Variants in FGF13 observed in about 807,000 individuals in gnomAD.
FGF13 encodes the protein fibroblast growth factor homologous factor 2.
Under a neutral mutation model 19.5 loss-of-function variants are expected in FGF13, and 2 were observed. That is an observed-to-expected ratio of 0.10 (90% CI 0.04 to 0.32). The LOEUF (loss-of-function observed/expected upper bound fraction) is 0.32. Among genes scored for constraint, FGF13 ranks in the 10% least tolerant of loss-of-function variants. The pLI, the probability that FGF13 is intolerant of heterozygous loss-of-function variation, is 1.00. For synonymous variants in FGF13, 72 were observed against 76.9 expected, an observed-to-expected ratio of 0.94 and a Z score of 0.33; for missense variants, 113 against 192.7, an observed-to-expected ratio of 0.59 and a Z score of 2.45.
At chrX:138,912,908 C>A (rs1253304608) in intron 1 of FGF13, among the ~76,000 whole-genome samples, 1 of 111,373 alleles carries the variant, frequency 9.0e-6, no homozygotes, top group Non-Finnish European at 1.9e-5. Context: ...TGGAAGAGAG[C>A]ATCCTGACCC....
At chrX:138,857,634 C>G in exon 3 of FGF13, 4 of 1,208,143 alleles carry the variant, frequency 3.3e-6, no homozygotes, top group Non-Finnish European at 4.5e-6. Context: ...GGAATCTTGT[C>G]GTAACATAAT....
At chrX:139,024,371 G>A (rs72616259) in intron 1 of FGF13, among the ~76,000 whole-genome samples, 1,545 of 110,920 alleles carry the variant, frequency 0.014, 15 homozygotes, top group East Asian at 0.067. Context: ...CCCATGACTC[G>A]CTTTTATACA....
chrX:138,994,377 C>T (rs193176745), intron 1 of FGF13, among the ~76,000 whole-genome samples: 20 of 110,798 alleles, frequency 1.8e-4, no homozygotes, highest in East Asian at 1.4e-3. Context: ...GCCTTACCTC[C>T]GAATATCATC....
rs1431972241 is a variant in FGF13, at chrX:138,784,170, T to A, written c.217+73342A>T. ...TCACACTCTGGGGACTGTTGTGGGG[T>A]GGGGGGAGGGGGGAGGGATAGCACT... On this transcript the variant is annotated intron_variant, in intron 3 of 6. Coordinates refer to the FGF13 transcript ENST00000436198. 3.0e-4 allele frequency among the ~76,000 whole-genome samples: 14 copies of A among 46,131 alleles called. 1 individual carries two copies. Among genetic ancestry groups the A allele is most frequent in the Admixed American group, 1.1e-3 (3 of 2,798 alleles). 40.1% of individuals were successfully genotyped at this position (46,131 alleles called of 115,157 possible).
intron 1 of FGF13, among the ~76,000 whole-genome samples, chrX:139,187,156 C>A (rs759378917): frequency 2.7e-5 from 3 of 112,573 alleles, no homozygotes; most frequent in South Asian, 3.6e-4. Flanking sequence ...ATGGAACTAT[C>A]CTGAAATTTC....
chrX:138,847,661 T>C lies in FGF13; in HGVS notation c.217+9851A>G, dbSNP rs1173948439. Among the ~76,000 whole-genome samples the C allele has an allele frequency of 2.7e-5, 3 of 111,905 alleles. No individual in the cohort carries two copies. The Admixed American group carries it at 2.9e-4, about 11-fold the overall frequency. ...TGCTATTCTTAAGCACACTAAAAAA[T>C]GCCGTAGAGTATAAGAAATGAATAT... On this transcript the variant is annotated intron_variant, in intron 3 of 6. Coordinates refer to the FGF13 transcript ENST00000436198.
chrX:138,988,538 G>A lies in FGF13; in HGVS notation c.-112-123888C>T, dbSNP rs12008125. Among the ~76,000 whole-genome samples the A allele has an allele frequency of 3.1e-3, 348 of 112,108 alleles. 1 individual carries two copies. The highest frequency in any genetic ancestry group is 0.011 in the African/African-American group (329 of 30,945). On this transcript the variant is annotated intron_variant, in intron 1 of 2. Coordinates refer to the FGF13 transcript ENST00000421460. Reference sequence around the variant, plus strand: ...GTTACTATTTTTCTAAAAGGCTCCAGGTTCTGAATGTAAATATTCTCATTC... The same window carrying A: ...GTTACTATTTTTCTAAAAGGCTCCAAGTTCTGAATGTAAATATTCTCATTC...
intron 1 of FGF13, among the ~76,000 whole-genome samples, chrX:139,162,455 C>T (rs1268081156): frequency 1.8e-5 from 2 of 112,176 alleles, no homozygotes; most frequent in Non-Finnish European, 3.8e-5. Flanking sequence ...AAAACCTAGG[C>T]AATACCGTTC....
intron 3 of FGF13, among the ~76,000 whole-genome samples, chrX:138,750,559 A>G (rs1010944025): frequency 9.0e-6 from 1 of 111,353 alleles, no homozygotes. Context: ...TGAGGAAACT[A>G]AATGTGCACA....
intron 3 of FGF13, among the ~76,000 whole-genome samples, chrX:138,658,606 T>C (rs888991605): frequency 9.0e-6 from 1 of 111,324 alleles, no homozygotes; most frequent in Non-Finnish European, 1.9e-5. Flanking sequence ...AACATTCGAG[T>C]GTCGGGAGTA....
At chrX:139,177,238 C>CTTTTTTTTTTTTTTTT (rs35867493) in intron 1 of FGF13, among the ~76,000 whole-genome samples, 8 of 49,943 alleles carry the variant, frequency 1.6e-4, no homozygotes, top group African/African-American at 7.8e-4. Flanking sequence ...GCAACCCCTG[C>CTTTTTTTTTTTTTTTT]TTTTTTTTTT....
chrX:138,722,608 T>G (rs192613225), intron 1 of FGF13, among the ~76,000 whole-genome samples: 6 of 111,459 alleles, frequency 5.4e-5, no homozygotes, highest in African/African-American at 2.0e-4. Context: ...TGATGAGAGT[T>G]TAAATAATAA....
intron 1 of FGF13, among the ~76,000 whole-genome samples, chrX:139,101,827 G>A (rs755277135): frequency 8.9e-6 from 1 of 111,766 alleles, no homozygotes; most frequent in East Asian, 2.8e-4. Flanking sequence ...CTGTCCCAAT[G>A]GTGGTTAAGA....
chrX:139,152,932 C>A (rs1255363038), intron 1 of FGF13, among the ~76,000 whole-genome samples: 1 of 110,713 alleles, frequency 9.0e-6, no homozygotes, highest in Non-Finnish European at 1.9e-5. Flanking sequence ...TACCTCCCTT[C>A]CCCCAAGGTC....
intron 3 of FGF13, among the ~76,000 whole-genome samples, chrX:138,787,986 C>T (rs1414192586): frequency 2.7e-5 from 3 of 111,718 alleles, no homozygotes; most frequent in Non-Finnish European, 5.6e-5. Flanking sequence ...AATTCTTGTC[C>T]TTTCTAATAG....
At chrX:138,850,275 T>A (rs2091213331) in intron 3 of FGF13, among the ~76,000 whole-genome samples, 1 of 111,817 alleles carries the variant, frequency 8.9e-6, no homozygotes, top group Non-Finnish European at 1.9e-5. Flanking sequence ...TACTCCTTGA[T>A]TAGACTGTAA....
Position 138,978,695 on chromosome X carries a change from C to A in FGF13, c.-112-114045G>T, listed in dbSNP as rs182162125. 3.1e-4 allele frequency among the ~76,000 whole-genome samples: 35 copies of A among 112,029 alleles called. 1 individual carries two copies. Among genetic ancestry groups the A allele is most frequent in the African/African-American group, 1.1e-3 (35 of 30,850 alleles). On this transcript the variant is annotated intron_variant, in intron 1 of 2. Coordinates refer to the FGF13 transcript ENST00000421460. ...ATTAGATTTATATAATATATTCAATCATCACAACTCATTTTACAGAGGGGG... is the reference window on the plus strand; with the variant it reads ...ATTAGATTTATATAATATATTCAATAATCACAACTCATTTTACAGAGGGGG...
intron 1 of FGF13, among the ~76,000 whole-genome samples, chrX:138,887,113 A>C (rs2091455070): frequency 8.9e-6 from 1 of 111,853 alleles, no homozygotes; most frequent in African/African-American, 3.2e-5. Flanking sequence ...TTACTAACTG[A>C]GCAAGCTTAA....
chrX:138,984,512 G>C (rs1286301201), intron 1 of FGF13, among the ~76,000 whole-genome samples: 2 of 24,427 alleles, frequency 8.2e-5, no homozygotes, highest in Middle Eastern at 0.017. Context: ...AGAAGAAGAG[G>C]AAGAAGAAGA....
Sources: gnomAD v4.1 joint callset for allele counts (sites outside exome capture counted in the v4.1 genomes callset) on GRCh38, gnomAD v4.1.1 for gene constraint, MANE v1.5 for transcripts, NCBI Gene and HGNC (gene_info 2026-07-23, HGNC 2026-07-21) for gene names.